LPCAT1: variants seen among roughly 807,000 people sequenced by gnomAD.
The protein encoded by LPCAT1 is 1-acylglycerol-3-phosphate O-acyltransferase.
A neutral mutation model predicts 60.9 loss-of-function variants in LPCAT1; 23 were observed. The ratio of observed to expected loss-of-function variants is 0.38; its 90% confidence interval spans 0.27 to 0.53. The LOEUF (loss-of-function observed/expected upper bound fraction) is 0.53, where lower values mean the gene tolerates loss of function less well. Ranked by LOEUF, LPCAT1 falls within the 20% of genes least tolerant of loss-of-function variation. The probability of loss-of-function intolerance (pLI) is 0.82; values close to 1 mark genes in which losing one functional copy is unlikely to be tolerated. For synonymous variants in LPCAT1, 340 were observed against 301.1 expected (o/e 1.13, Z -1.34); for missense variants, 622 against 723.6 (o/e 0.86, Z 1.61).
At chr5:1,517,116 C>A (rs1736527501) in intron 1 of LPCAT1, among the ~76,000 whole-genome samples, 1 of 152,164 alleles carries the variant, frequency 6.6e-6, no homozygotes, top group South Asian at 2.1e-4. Flanking sequence ...GAATGATTCA[C>A]AGCTAGATTA....
intron 13 of LPCAT1, among the ~76,000 whole-genome samples, chr5:1,464,751 CA>C (rs1361043594): frequency 1.5e-5 from 2 of 130,866 alleles, no homozygotes; most frequent in African/African-American, 6.4e-5. Flanking sequence ...CACACACACA[CA>C]AAACAAGCAC....
At chr5:1,465,776 T>C (rs1734364827) in intron 13 of LPCAT1, among the ~76,000 whole-genome samples, 1 of 68,558 alleles carries the variant, frequency 1.5e-5, no homozygotes, top group Non-Finnish European at 3.1e-5. Flanking sequence ...GCACACACGG[T>C]AAACATGCAC....
intron 7 of LPCAT1, among the ~76,000 whole-genome samples, chr5:1,479,994 G>A (rs778508857): frequency 2.2e-4 from 33 of 151,722 alleles, no homozygotes; most frequent in Non-Finnish European, 4.6e-4. Context: ...GTCCCTCCTC[G>A]CTGTCCCCAG....
intron 3 of LPCAT1, among the ~76,000 whole-genome samples, chr5:1,491,382 T>C (rs769403365): frequency 3.3e-5 from 5 of 152,080 alleles, no homozygotes; most frequent in Non-Finnish European, 5.9e-5. Flanking sequence ...TTCGCAATCC[T>C]GTCAGCTGGT....
intron 13 of LPCAT1, among the ~76,000 whole-genome samples, chr5:1,465,232 C>G (rs1734316922): frequency 6.8e-6 from 1 of 147,046 alleles, no homozygotes; most frequent in African/African-American, 2.6e-5. Flanking sequence ...ACACACAAAA[C>G]AAGCACACGC....
chr5:1,482,852 C>T, intron 6 of LPCAT1, among the ~76,000 whole-genome samples: 1 of 152,260 alleles, frequency 6.6e-6, no homozygotes, highest in African/African-American at 2.4e-5. Flanking sequence ...AAGGTGGGGT[C>T]TACCACCTTC....
intron 1 of LPCAT1, among the ~76,000 whole-genome samples, chr5:1,517,339 G>A (rs143573312): frequency 6.6e-6 from 1 of 152,318 alleles, no homozygotes; most frequent in Non-Finnish European, 1.5e-5. Flanking sequence ...CTGTGTCAGA[G>A]GCAGGGACAT....
At chr5:1,463,973 G>A (rs1461388207) in intron 13 of LPCAT1, 138 bp from the exon 14 acceptor site, 2 of 859,922 alleles carry the variant, frequency 2.3e-6, no homozygotes, top group Non-Finnish European at 3.7e-6. Flanking sequence ...TGAAACGGAT[G>A]CTTTCAGGGT....
chr5:1,501,615 G>T lies in LPCAT1; in HGVS notation c.136-12C>A, dbSNP rs1736011592. ...GTCATGAGGGCCACCTGCAGACAGA[G>T]GGGGGCATTATCCAGAGAATCCATG... is the stretch of plus-strand genomic sequence containing the variant. On this transcript the variant is annotated splice_polypyrimidine_tract_variant and intron_variant, in intron 1 of 13. Coordinates refer to ENST00000283415, the MANE Select transcript of LPCAT1 (RefSeq NM_024830.5). The T allele has an allele frequency of 6.2e-7, 1 of 1,613,028 alleles. No individual in the cohort carries two copies. Among genetic ancestry groups the T allele is most frequent in the Admixed American group, 1.7e-5 (1 of 59,998 alleles).
intron 12 of LPCAT1, among the ~76,000 whole-genome samples, chr5:1,468,747 C>T (rs79164862): frequency 2.0e-5 from 3 of 152,368 alleles, no homozygotes; most frequent in Non-Finnish European, 4.4e-5. Context: ...GCTGCGCATC[C>T]GGAGTCCTGA....
intron 1 of LPCAT1, among the ~76,000 whole-genome samples, chr5:1,505,290 C>T (rs990442604): frequency 6.6e-6 from 1 of 152,086 alleles, no homozygotes; most frequent in Non-Finnish European, 1.5e-5. Context: ...ACAGCACCGA[C>T]TGCAACACTG....
At position 1,495,075 on chromosome 5, in the gene LPCAT1, ACGC is replaced by A; in HGVS notation, c.279-164_279-162del. The A allele has an allele frequency of 1.5e-6, 1 of 669,844 alleles. No homozygotes were observed. The highest frequency in any genetic ancestry group is 2.8e-5 in the East Asian group (1 of 36,152). 41.5% of individuals were successfully genotyped at this position (669,844 alleles called of 1,614,324 possible). ...GGACATCTGCTTGAGGGAAGAAAAG[ACGC>A]CGCGCCTTCCTGGCCTCCGCCTGTG... On this transcript the variant is annotated intron_variant, in intron 2 of 13. Transcript: ENST00000283415. The surrounding 1 kb of genome is among the most constrained non-coding windows in gnomAD (Gnocchi z 4.7).
chr5:1,509,178 C>A (rs1484204431), intron 1 of LPCAT1, among the ~76,000 whole-genome samples: 1 of 152,258 alleles, frequency 6.6e-6, no homozygotes, highest in Non-Finnish European at 1.5e-5. Context: ...TCGAAGGCCG[C>A]GAGGCCGCGT....
chr5:1,464,270 G>A (rs964278729), intron 13 of LPCAT1, among the ~76,000 whole-genome samples: 5 of 152,202 alleles, frequency 3.3e-5, no homozygotes, highest in African/African-American at 1.2e-4. Flanking sequence ...TCCTCACAGA[G>A]CCTCGGACTG....
intron 5 of LPCAT1, among the ~76,000 whole-genome samples, chr5:1,485,862 GCCACTGTGGCCCAGTGAGAGCTGCGT>G (rs1735353196): frequency 6.6e-6 from 1 of 152,218 alleles, no homozygotes. Flanking sequence ...GTGCAGGGAG[GCCACTGTGGCCCAGTGAGAGCTGCGT>G]CCACTTCCAA....
intron 4 of LPCAT1, among the ~76,000 whole-genome samples, chr5:1,488,722 G>A (rs528183715): frequency 1.3e-5 from 2 of 152,364 alleles, no homozygotes; most frequent in Admixed American, 1.3e-4. Flanking sequence ...GGTAGTCGCG[G>A]TGCCCACCTC....
rs1195913312 is a variant in LPCAT1 at position 1,477,167 on chromosome 5, G to A, written c.899+237C>T. ...TGGGGTGACCAACGGCTGCAGGCAGGTCTGGAAGAACCAGTCATGCATCTT... is the reference window on the plus strand; with the variant it reads ...TGGGGTGACCAACGGCTGCAGGCAGATCTGGAAGAACCAGTCATGCATCTT... On this transcript the variant is annotated intron_variant, in intron 9 of 13. Transcript: ENST00000283415. This position sits in a 1 kb window ranked among gnomAD's most constrained non-coding sequence, Gnocchi z 6.0. 6.6e-6 allele frequency among the ~76,000 whole-genome samples: 1 copy of A among 152,222 alleles called. No homozygotes were observed. The highest frequency in any genetic ancestry group is 2.1e-4 in the South Asian group (1 of 4,838).
rs534162074 is a variant in LPCAT1 at position 1,493,610 on chromosome 5, G to A, written c.493+1090C>T. ...CCCGCTGTGCCCCAGAACGTGCTGTGCTGTGCTGATGGCGGCTGTGAAGGA... is the reference window on the plus strand; with the variant it reads ...CCCGCTGTGCCCCAGAACGTGCTGTACTGTGCTGATGGCGGCTGTGAAGGA... On this transcript the variant is annotated intron_variant, in intron 3 of 13. Coordinates refer to ENST00000283415, the MANE Select transcript of LPCAT1 (RefSeq NM_024830.5). 3.3e-5 allele frequency among the ~76,000 whole-genome samples: 5 copies of A among 152,370 alleles called. 1 individual carries two copies. In the East Asian group the frequency reaches 7.7e-4, roughly 24 times the overall value.
chr5:1,507,212 G>A (rs62331147), intron 1 of LPCAT1, among the ~76,000 whole-genome samples: 9,860 of 152,236 alleles, frequency 0.065, 360 homozygotes, highest in Middle Eastern at 0.14. Context: ...GCCTGCAGAC[G>A]CTGAGACCTG....
Sources: allele counts gnomAD v4.1 joint callset (sites outside exome capture counted in the v4.1 genomes callset), GRCh38; gene constraint gnomAD v4.1.1; non-coding constraint Gnocchi (gnomAD v3.1); transcripts MANE v1.5; gene names NCBI Gene and HGNC (gene_info 2026-07-23, HGNC 2026-07-21).